PER2: variants seen among roughly 807,000 people sequenced by gnomAD.
PER2 encodes period circadian protein homolog 2.
PER2 carries 66 observed loss-of-function variants against 121.0 expected under a neutral mutation model. The ratio of observed to expected loss-of-function variants is 0.55; its 90% CI spans 0.45 to 0.67. The LOEUF (loss-of-function observed/expected upper bound fraction) is 0.67. PER2 is among the 30% of genes least tolerant of loss of function. PER2 has a pLI of 0.00. For synonymous variants in PER2, 684 were observed against 659.9 expected, an observed-to-expected ratio of 1.04 and a Z score of -0.56; for missense variants, 1,521 against 1,635.0, an observed-to-expected ratio of 0.93 and a Z score of 1.20.
intron 2 of PER2, among the ~76,000 whole-genome samples, 169 bp from the exon 3 acceptor site, chr2:238,277,362 A>G (rs1220465093): frequency 6.6e-6 from 1 of 152,218 alleles, no homozygotes; most frequent in Non-Finnish European, 1.5e-5. Flanking sequence ...GACATCAGAA[A>G]AACTAAGTAC....
chr2:238,293,636 A>G (rs1574868477), upstream of PER2, among the ~76,000 whole-genome samples: 1 of 151,950 alleles, frequency 6.6e-6, no homozygotes, highest in Non-Finnish European at 1.5e-5. Context: ...TCGGGAGGCT[A>G]AGGCAGGAGA....
rs768167664 is a variant in PER2, at chr2:238,262,270, A to T, written c.1228T>A (p.Leu410Met). 6 of 1,613,974 alleles carry T rather than the reference A, an allele frequency of 3.7e-6. No homozygotes were observed. The East Asian group carries it at 1.3e-4, about 36-fold the overall frequency. Residue 410 changes from leucine to methionine, a missense_variant, in exon 11 of 23, where the codon TTG becomes ATG. Coordinates refer to ENST00000254657, the MANE Select transcript of PER2 (RefSeq NM_022817.3). The stretch of plus-strand genomic sequence containing the variant: ...ATGAAGCTGGACCAGCTGGTGTCCA[A>T]CGTGATGTACTCTCCGTTCCGGGCG... The part of the protein sequence containing the change: ...FRARNGEYIT[L>M]DTSWSSFINP...
rs144106669 is a variant in PER2 at position 238,255,688 on chromosome 2, T to C, written c.2289A>G (p.Gln763=). The change falls in exon 18 of 23, where the codon CAA becomes CAG. Residue 763 remains glutamine, a synonymous_variant. Coordinates refer to ENST00000254657, the MANE Select transcript of PER2 (RefSeq NM_022817.3). ...CACTTGGCTGCCCCTTGGATCTTTCTTGCAAGTAGTAATGGCAGTGGGACT... is the reference window on the plus strand; with the variant it reads ...CACTTGGCTGCCCCTTGGATCTTTCCTGCAAGTAGTAATGGCAGTGGGACT... ...IFQSHCHYYL[Q]ERSKGQPSER... 6.2e-7 allele frequency: 1 copy of C among 1,614,160 alleles called. No individual in the cohort carries two copies. Among genetic ancestry groups the C allele is most frequent in the African/African-American group, 1.3e-5 (1 of 74,960 alleles).
chr2:238,277,341 T>C, intron 2 of PER2, 148 bp from the exon 3 acceptor site: 1 of 717,322 alleles, frequency 1.4e-6, no homozygotes, highest in Non-Finnish European at 2.5e-6. Flanking sequence ...AACTGGAATA[T>C]AAAACCTTCA....
intron 12 of PER2, chr2:238,261,347 A>AT (rs1008336630): frequency 2.4e-4 from 90 of 378,148 alleles, no homozygotes; most frequent in East Asian, 3.0e-4. Flanking sequence ...AGTGGGCCTG[A>AT]TTTTTTTTAG....
At chr2:238,251,858 T>C in intron 19 of PER2, 97 bp from the exon 20 acceptor site, 1 of 509,684 alleles carries the variant, frequency 2.0e-6, no homozygotes, top group African/African-American at 2.0e-5. Flanking sequence ...GGGGTGAGGG[T>C]GGAGGGGTGC....
the PER2 span, among the ~76,000 whole-genome samples, chr2:238,296,794 G>A: frequency 6.6e-6 from 1 of 152,234 alleles, no homozygotes; most frequent in Non-Finnish European, 1.5e-5. Context: ...GGGGTTCCCT[G>A]AGACCTTGAG....
At chr2:238,259,103 C>T (rs537568904) in intron 14 of PER2, among the ~76,000 whole-genome samples, 6 of 152,346 alleles carry the variant, frequency 3.9e-5, no homozygotes, top group African/African-American at 9.6e-5. Context: ...ACATTCATCA[C>T]ATGCCTGTCC....
chr2:238,264,678 G>A (rs1021036845), intron 9 of PER2, among the ~76,000 whole-genome samples: 6 of 152,128 alleles, frequency 3.9e-5, no homozygotes, highest in Non-Finnish European at 8.8e-5. Flanking sequence ...AGGCTGGAGT[G>A]CAGTGGTGCA....
intron 6 of PER2, among the ~76,000 whole-genome samples, chr2:238,270,816 C>A (rs988972597): frequency 6.6e-6 from 1 of 152,246 alleles, no homozygotes; most frequent in African/African-American, 2.4e-5. Flanking sequence ...GCCTGCAGTG[C>A]CTCGGGGGCC....
In PER2 at chr2:238,246,303, T is replaced by C; in HGVS notation, c.*72A>G. ...GTGTCCATTTCAGTGGAAACAGCCATGAAGATCTTTCATCTCTTCCAAGCA... is the reference window on the plus strand; with the variant it reads ...GTGTCCATTTCAGTGGAAACAGCCACGAAGATCTTTCATCTCTTCCAAGCA... On this transcript the variant is annotated 3_prime_UTR_variant, in exon 23 of 23. Coordinates refer to ENST00000254657, the MANE Select transcript of PER2 (RefSeq NM_022817.3). 1.8e-6 allele frequency: 2 copies of C among 1,130,670 alleles called. No homozygotes were observed. The highest frequency in any genetic ancestry group is 2.5e-6 in the Non-Finnish European group (2 of 799,430). The allele number at this position is 1,130,670 out of a possible 1,614,324, so 70.0% of individuals were successfully genotyped here.
In PER2 at chr2:238,277,896, G is replaced by A. The variant is rs748333939; in HGVS notation, c.41C>T (p.Pro14Leu). 1.9e-6 allele frequency: 3 copies of A among 1,613,928 alleles called. No individual in the cohort carries two copies. The South Asian group carries it at 3.3e-5, about 18-fold the overall frequency. The change falls in exon 2 of 23, where the codon CCC becomes CTC. Residue 14 changes from proline (P) to leucine (L), a missense_variant. By Grantham distance (98) the Pro-to-Leu change is moderately conservative (BLOSUM62 -3). Coordinates refer to ENST00000254657, the MANE Select transcript of PER2 (RefSeq NM_022817.3). ...YAEFPPSPSN[P>L]TKEPVEPQPS... ...CTGGGGCTCCACGGGCTCCTTGGTG[G>A]GGTTACTGGGGCTGGGCGGAAATTC...
At position 238,277,889 on chromosome 2, in the gene PER2, C is replaced by T. The variant is rs1696505759; in HGVS notation, c.48G>A (p.Lys16=). ...GGCTGGGCTGGGGCTCCACGGGCTC[C>T]TTGGTGGGGTTACTGGGGCTGGGCG... ...EFPPSPSNPT[K]EPVEPQPSQV... The change falls in exon 2 of 23, where the codon AAG becomes AAA. Residue 16 remains lysine, a synonymous_variant. Coordinates refer to ENST00000254657, the MANE Select transcript of PER2 (RefSeq NM_022817.3). The T allele has an allele frequency of 1.2e-6, 2 of 1,614,002 alleles. No homozygotes were observed. Among genetic ancestry groups the T allele is most frequent in the East Asian group, 2.2e-5 (1 of 44,894 alleles).
chr2:238,294,926 C>T (rs1206369588), upstream of PER2, among the ~76,000 whole-genome samples: 4 of 152,240 alleles, frequency 2.6e-5, no homozygotes, highest in African/African-American at 9.6e-5. Flanking sequence ...TCTGAGTCCA[C>T]AAGGACTCAC....
chr2:238,278,144 C>T (rs1696516430), intron 1 of PER2, among the ~76,000 whole-genome samples, 189 bp from the exon 2 acceptor site: 1 of 152,130 alleles, frequency 6.6e-6, no homozygotes, highest in Non-Finnish European at 1.5e-5. Flanking sequence ...GGCTCTGTTG[C>T]CCAGGGAATG....
Position 238,271,352 on chromosome 2 carries a change from G to C in PER2, c.732C>G (p.Ser244=). The change falls in exon 6 of 23, where the codon TCC becomes TCG. Residue 244 remains serine (S), a synonymous_variant. Coordinates refer to ENST00000254657, the MANE Select transcript of PER2 (RefSeq NM_022817.3). ...HDVGVFHSFT[S]PYKLPLWSMC... ...TGCTCCACAAGGGAAGCTTGTACGG[G>C]GAGGTGAAACTGTGGAACACGCCCA... 1 of 1,614,208 alleles carries C rather than the reference G, an allele frequency of 6.2e-7. No homozygotes were observed. The highest frequency in any genetic ancestry group is 8.5e-7 in the Non-Finnish European group (1 of 1,180,028).
chr2:238,271,254 A>C, intron 6 of PER2, 58 bp downstream of exon 6: 3 of 1,501,630 alleles, frequency 2.0e-6, no homozygotes, highest in Non-Finnish European at 2.8e-6. Context: ...GGTTGGGCCC[A>C]GCTCCTGGCC....
upstream of PER2, chr2:238,289,558 A>T (rs1047698267): frequency 1.3e-5 from 2 of 152,274 alleles, no homozygotes; most frequent in African/African-American, 4.8e-5. Context: ...GCGCATCACT[A>T]GGGAGAAAGG....
chr2:238,268,851 T>C lies in PER2; in HGVS notation c.824+72A>G. 1 of 1,142,240 alleles carries C rather than the reference T, an allele frequency of 8.8e-7. No individual in the cohort carries two copies. The highest frequency in any genetic ancestry group is 1.3e-6 in the Non-Finnish European group (1 of 750,186). 70.8% of individuals were successfully genotyped at this position (1,142,240 alleles called of 1,614,324 possible). ...CAGGCAGGGATCACGCCCCCCAGCC[T>C]CAAGCGGAGCAGTGCTGGGGTGAAA... is the stretch of plus-strand genomic sequence containing the variant. On this transcript the variant is annotated intron_variant, in intron 7 of 22. Transcript: ENST00000254657. The surrounding 1 kb of genome is among the most constrained non-coding windows in gnomAD (Gnocchi z 4.0).
Sources: allele counts gnomAD v4.1 joint callset (sites outside exome capture counted in the v4.1 genomes callset), GRCh38; gene constraint gnomAD v4.1.1; non-coding constraint Gnocchi (gnomAD v3.1); transcripts MANE v1.5; gene names NCBI Gene and HGNC (gene_info 2026-07-23, HGNC 2026-07-21).